Variants in CCDC186 observed in about 807,000 individuals in gnomAD.
CCDC186 encodes coiled-coil domain containing 186, also known as coiled-coil domain-containing protein 186.
CCDC186 carries 49 observed loss-of-function variants against 113.7 expected under a neutral mutation model. That is an observed-to-expected ratio of 0.43 (90% CI 0.34 to 0.55). The LOEUF (loss-of-function observed/expected upper bound fraction) is 0.55. Ranked by LOEUF, CCDC186 falls within the 20% of genes least tolerant of loss-of-function variation. The pLI is 0.02. For missense variants in CCDC186, 890 were observed against 1,011.1 expected, an observed-to-expected ratio of 0.88 and a Z score of 1.62; for synonymous variants, 355 against 345.8, an observed-to-expected ratio of 1.03 and a Z score of -0.30.
At chr10:114,141,110 G>GTC (rs1305943295) in intron 6 of CCDC186, among the ~76,000 whole-genome samples, 2 of 151,746 alleles carry the variant, frequency 1.3e-5, no homozygotes, top group African/African-American at 4.8e-5. Context: ...GCCCAGGCTG[G>GTC]TCTCAAACTC....
At chr10:114,153,942 G>A (rs1301959611) in intron 3 of CCDC186, among the ~76,000 whole-genome samples, 1 of 151,770 alleles carries the variant, frequency 6.6e-6, no homozygotes, top group East Asian at 1.9e-4. Flanking sequence ...AGGTGAAGTG[G>A]CTCATGCCTG....
At position 114,151,126 on chromosome 10, in the gene CCDC186, T is replaced by C. The variant is rs1242607761; in HGVS notation, c.854A>G (p.Gln285Arg). 21 of 1,613,860 alleles carry C rather than the reference T, an allele frequency of 1.3e-5. No individual in the cohort carries two copies. Among genetic ancestry groups the C allele is most frequent in the African/African-American group, 4.0e-5 (3 of 74,936 alleles). Residue 285 changes from glutamine (Q) to arginine (R), a missense_variant, in exon 4 of 16, where the codon CAG becomes CGG. Physicochemically the swap from Gln to Arg is conservative, Grantham distance 43. Transcript: ENST00000369287. The stretch of plus-strand genomic sequence containing the variant: ...CCGTTGGGCCATCTCTTTGTGTAAC[T>C]GCTGAACTGCATTTTTAGCTGTAAC... ...QDVTAKNAVQ[Q>R]LHKEMAQRME...
chr10:114,137,111 C>A, intron 7 of CCDC186, 75 bp downstream of exon 7: 1 of 1,128,048 alleles, frequency 8.9e-7, no homozygotes, highest in Non-Finnish European at 1.3e-6. Flanking sequence ...AGCGAGACTC[C>A]ATCTAAAAAA....
rs74874694 is a variant in CCDC186, at chr10:114,126,986, C to G, written c.2393+475G>C. 8.5e-3 allele frequency among the ~76,000 whole-genome samples: 1,294 copies of G among 152,220 alleles called. 20 individuals carry two copies. Among genetic ancestry groups the G allele is most frequent in the African/African-American group, 0.029 (1,206 of 41,542 alleles). The stretch of plus-strand genomic sequence containing the variant: ...ATTTAGTGATGTGACCTGAGCCCCA[C>G]TTATCTGCAAAATTAGAGAACTCAC... On this transcript the variant is annotated intron_variant, in intron 14 of 15. Coordinates refer to ENST00000369287, the MANE Select transcript of CCDC186 (RefSeq NM_018017.4).
At chr10:114,167,520 A>G (rs10509999) in intron 1 of CCDC186, among the ~76,000 whole-genome samples, 13,039 of 152,066 alleles carry the variant, frequency 0.086, 672 homozygotes, top group Middle Eastern at 0.15. Flanking sequence ...TACTGATACA[A>G]GCCAATTTGG....
intron 1 of CCDC186, among the ~76,000 whole-genome samples, chr10:114,164,062 T>TAG (rs1491130198): frequency 3.3e-4 from 38 of 116,378 alleles, no homozygotes; most frequent in African/African-American, 9.7e-4. Flanking sequence ...TTGACCAAGT[T>TAG]AGAGTGTGTG....
chr10:114,157,792 T>C (rs1190733183), intron 2 of CCDC186, 112 bp from the exon 3 acceptor site: 6 of 789,718 alleles, frequency 7.6e-6, no homozygotes, highest in Non-Finnish European at 9.4e-6. Context: ...AATTATTCAT[T>C]ATGTTAATAA....
intron 3 of CCDC186, among the ~76,000 whole-genome samples, chr10:114,154,335 A>G (rs187333548): frequency 6.6e-6 from 1 of 152,162 alleles, no homozygotes; most frequent in African/African-American, 2.4e-5. Flanking sequence ...GAAAAAAGAA[A>G]GATGACTGAA....
chr10:114,148,249 T>TGC (rs1006387959), intron 4 of CCDC186, among the ~76,000 whole-genome samples: 2 of 152,112 alleles, frequency 1.3e-5, no homozygotes, highest in Admixed American at 1.3e-4. Context: ...TAACCTGGGG[T>TGC]GCTTGTTAAA....
chr10:114,163,245 G>C lies in CCDC186; in HGVS notation c.24C>G (p.Ala8=), dbSNP rs987313836. 1.2e-6 allele frequency: 2 copies of C among 1,612,212 alleles called. No individual in the cohort carries two copies. The highest frequency in any genetic ancestry group is 2.7e-5 in the African/African-American group (2 of 75,022). The change falls in exon 2 of 16, where the codon GCC becomes GCG. Residue 8 remains alanine (A), a synonymous_variant. Transcript: ENST00000369287. MSETDHI[A]STSSDKNVGK... is the part of the protein sequence containing the mutation. ...CAACATTTTTATCAGAGGAAGTAGAGGCTATGTGGTCTGTCTCTGACATGC... is the reference window on the plus strand; with the variant it reads ...CAACATTTTTATCAGAGGAAGTAGACGCTATGTGGTCTGTCTCTGACATGC...
chr10:114,158,263 T>A (rs1265205446), intron 2 of CCDC186, among the ~76,000 whole-genome samples: 1 of 152,224 alleles, frequency 6.6e-6, no homozygotes, highest in Non-Finnish European at 1.5e-5. Flanking sequence ...ATAGTTATAA[T>A]GTACAGTCAA....
At chr10:114,150,967 T>G in intron 4 of CCDC186, 125 bp downstream of exon 4, 1 of 1,145,070 alleles carries the variant, frequency 8.7e-7, no homozygotes, top group Non-Finnish European at 1.2e-6. Context: ...CTTACTTTTA[T>G]ATAAAAGAAT....
intron 13 of CCDC186, among the ~76,000 whole-genome samples, chr10:114,128,936 T>A (rs925084439): frequency 1.3e-5 from 2 of 152,218 alleles, no homozygotes; most frequent in Non-Finnish European, 2.9e-5. Flanking sequence ...TCTCTTTGTA[T>A]GAATTAACGT....
At chr10:114,164,752 T>C (rs1179493342) in intron 1 of CCDC186, among the ~76,000 whole-genome samples, 2 of 152,202 alleles carry the variant, frequency 1.3e-5, no homozygotes, top group African/African-American at 2.4e-5. Flanking sequence ...TGGAGAGATA[T>C]ACTAAATTTT....
Position 114,137,179 on chromosome 10 carries a change from T to C in CCDC186, c.1326+7A>G, listed in dbSNP as rs200078510. 194 of 1,585,650 alleles carry C rather than the reference T, an allele frequency of 1.2e-4. 1 individual carries two copies. In the Admixed American group the frequency reaches 3.0e-3, roughly 24 times the overall value. Reference sequence around the variant, plus strand: ...TGATACTAATCTATTTTAAAAGTTATGCATACCTGATATGTTTTTATCATA... The same window carrying C: ...TGATACTAATCTATTTTAAAAGTTACGCATACCTGATATGTTTTTATCATA... On this transcript the variant is annotated splice_region_variant and intron_variant, in intron 7 of 15. Coordinates refer to ENST00000369287, the MANE Select transcript of CCDC186 (RefSeq NM_018017.4).
At chr10:114,172,978 A>G (rs561968282) in intron 1 of CCDC186, among the ~76,000 whole-genome samples, 1 of 152,330 alleles carries the variant, frequency 6.6e-6, no homozygotes, top group South Asian at 2.1e-4. Flanking sequence ...ATACCTAAAT[A>G]GATAATAGCA....
intron 3 of CCDC186, among the ~76,000 whole-genome samples, chr10:114,154,437 T>C (rs891181565): frequency 6.6e-6 from 1 of 152,022 alleles, no homozygotes; most frequent in East Asian, 1.9e-4. Context: ...CAATTTAACT[T>C]AGAGACAAAA....
rs547485933 is a variant in CCDC186, at chr10:114,121,384, T to C, written c.*3759A>G. On this transcript the variant is annotated 3_prime_UTR_variant, in exon 16 of 16. Coordinates refer to ENST00000369287, the MANE Select transcript of CCDC186 (RefSeq NM_018017.4). ...ACAACATTTACATTATTAAGGATTC[T>C]ATTTTTTTCTTTTACTGATAAATCT... 2.6e-5 allele frequency: 4 copies of C among 152,344 alleles called. No homozygotes were observed. The highest frequency in any genetic ancestry group is 9.6e-5 in the African/African-American group (4 of 41,594). 9.4% of individuals were successfully genotyped at this position (152,344 alleles called of 1,614,324 possible). A position where few individuals can be genotyped will look rare whatever the true frequency, so the allele number is the denominator to read the frequency against.
intron 13 of CCDC186, among the ~76,000 whole-genome samples, chr10:114,127,877 G>C (rs1353268161): frequency 2.0e-5 from 3 of 152,156 alleles, no homozygotes; most frequent in Admixed American, 6.6e-5. Flanking sequence ...TATCTCTCAG[G>C]AAGTGGTAAT....
Sources: allele counts gnomAD v4.1 joint callset (sites outside exome capture counted in the v4.1 genomes callset), GRCh38; gene constraint gnomAD v4.1.1; transcripts MANE v1.5; gene names NCBI Gene and HGNC (gene_info 2026-07-23, HGNC 2026-07-21).